Variants in AKAP19 observed in about 807,000 individuals in gnomAD.
The protein encoded by AKAP19 is small A-kinase anchoring protein.
the AKAP19 span, among the ~76,000 whole-genome samples, chr2:190,158,042 G>A: frequency 1.3e-5 from 2 of 152,148 alleles, no homozygotes; most frequent in African/African-American, 4.8e-5. Context: ...TAGATTCCAG[G>A]TATTGTATAG....
chr2:190,024,664 C>T, the AKAP19 span, among the ~76,000 whole-genome samples: 2 of 152,062 alleles, frequency 1.3e-5, no homozygotes, highest in African/African-American at 4.8e-5. Context: ...TGATTGGGTA[C>T]TTGAATTCAC....
chr2:190,057,773 A>T, the AKAP19 span: 2 of 887,190 alleles, frequency 2.3e-6, no homozygotes, highest in Non-Finnish European at 3.5e-6. Flanking sequence ...AAGGCACAGC[A>T]TTAAGGAATG....
the AKAP19 span, among the ~76,000 whole-genome samples, chr2:190,115,509 C>G: frequency 7.0e-6 from 1 of 143,578 alleles, no homozygotes; most frequent in Non-Finnish European, 1.5e-5. Context: ...TTAGTAGAGA[C>G]GGGGTTTCAC....
chr2:190,083,596 A>G, the AKAP19 span, among the ~76,000 whole-genome samples: 5 of 143,930 alleles, frequency 3.5e-5, no homozygotes, highest in African/African-American at 1.3e-4. Flanking sequence ...AGGAATTCCC[A>G]TTGGTTTACA....
chr2:189,883,050 G>A, the AKAP19 span, among the ~76,000 whole-genome samples: 1 of 151,926 alleles, frequency 6.6e-6, no homozygotes, highest in Non-Finnish European at 1.5e-5. Context: ...AATTAATGTA[G>A]AGATATTTTC....
chr2:190,193,068 C>G, the AKAP19 span, among the ~76,000 whole-genome samples: 3 of 152,092 alleles, frequency 2.0e-5, no homozygotes, highest in Non-Finnish European at 4.4e-5. Context: ...ATGACTATTG[C>G]TGCCTTGCTC....
the AKAP19 span, among the ~76,000 whole-genome samples, chr2:190,084,683 T>C: frequency 6.6e-6 from 1 of 152,234 alleles, no homozygotes; most frequent in Non-Finnish European, 1.5e-5. Flanking sequence ...TTAAGGTGAT[T>C]GTATTTTCCC....
chr2:189,890,825 A>C, the AKAP19 span, among the ~76,000 whole-genome samples: 1 of 152,036 alleles, frequency 6.6e-6, no homozygotes, highest in Non-Finnish European at 1.5e-5. Flanking sequence ...TGCACATGAG[A>C]TGTGTCTCCT....
chr2:189,973,800 G>C, the AKAP19 span, among the ~76,000 whole-genome samples: 1 of 152,222 alleles, frequency 6.6e-6, no homozygotes, highest in Admixed American at 6.5e-5. Context: ...TCTGATGGTA[G>C]TTTGTATTTC....
the AKAP19 span, among the ~76,000 whole-genome samples, chr2:190,077,223 CTT>C: frequency 4.2e-5 from 6 of 142,124 alleles, no homozygotes; most frequent in Admixed American, 7.1e-5. Flanking sequence ...TTATCTATGT[CTT>C]TTTTTTTTTT....
chr2:189,950,211 A>T, the AKAP19 span, among the ~76,000 whole-genome samples: 1 of 150,786 alleles, frequency 6.6e-6, no homozygotes, highest in Non-Finnish European at 1.5e-5. Context: ...TATTTTTAGT[A>T]GAGATGGGGT....
chr2:190,093,062 A>G, the AKAP19 span, among the ~76,000 whole-genome samples: 1 of 152,192 alleles, frequency 6.6e-6, no homozygotes, highest in South Asian at 2.1e-4. Flanking sequence ...ACTTCAAACC[A>G]TAGGTAGAAA....
At chr2:190,025,767 C>T in the AKAP19 span, among the ~76,000 whole-genome samples, 2 of 152,152 alleles carry the variant, frequency 1.3e-5, no homozygotes, top group Non-Finnish European at 1.5e-5. Flanking sequence ...GCTCTCTTTG[C>T]CCAATCTTTA....
the AKAP19 span, among the ~76,000 whole-genome samples, chr2:190,016,811 A>AT: frequency 1.3e-5 from 2 of 152,296 alleles, no homozygotes; most frequent in East Asian, 3.9e-4. Flanking sequence ...ATTTGGTCTA[A>AT]AATGTAGTTC....
chr2:190,157,388 A>ACACACACACC, the AKAP19 span, among the ~76,000 whole-genome samples: 1 of 149,462 alleles, frequency 6.7e-6, no homozygotes, highest in Admixed American at 6.7e-5. Flanking sequence ...ACACACACAC[A>ACACACACACC]CACACATATC....
the AKAP19 span, among the ~76,000 whole-genome samples, chr2:190,108,783 G>GTT: frequency 0.025 from 3,345 of 135,656 alleles, 47 homozygotes; most frequent in Middle Eastern, 0.054. Context: ...CCTGTTTGCG[G>GTT]TTTTTTTTTT....
At chr2:190,010,301 C>G in the AKAP19 span, among the ~76,000 whole-genome samples, 5 of 152,110 alleles carry the variant, frequency 3.3e-5, 1 homozygote, top group African/African-American at 1.2e-4. Context: ...TGGAATTTAT[C>G]CTTTAATTGT....
chr2:190,074,390 C>T, the AKAP19 span, among the ~76,000 whole-genome samples: 1 of 152,134 alleles, frequency 6.6e-6, no homozygotes, highest in Non-Finnish European at 1.5e-5. Flanking sequence ...GGTGGCTTCA[C>T]ACCTGTAATC....
At chr2:190,181,396 G>A in the AKAP19 span, 1 of 153,070 alleles carries the variant, frequency 6.5e-6, no homozygotes, top group Admixed American at 6.5e-5. Flanking sequence ...TGAAGAGTGA[G>A]TGAAGATTTT....
Sources: allele counts gnomAD v4.1 joint callset (sites outside exome capture counted in the v4.1 genomes callset), GRCh38; gene constraint gnomAD v4.1.1; transcripts MANE v1.5; gene names NCBI Gene and HGNC (gene_info 2026-07-23, HGNC 2026-07-21).